The following TMEM26 variants were observed in gnomAD, a reference collection of about 807,000 sequenced individuals.
The protein encoded by TMEM26 is transmembrane protein 26.
A neutral mutation model predicts 28.8 loss-of-function variants in TMEM26; 38 were observed. That is an observed-to-expected ratio of 1.32 (90% confidence interval 1.02 to 1.73). The LOEUF (loss-of-function observed/expected upper bound fraction) is 1.73. Ranked by LOEUF, TMEM26 falls within the 40% of genes most tolerant of loss-of-function variation. The pLI is 0.00. For missense variants in TMEM26, 518 were observed against 447.1 expected (o/e 1.16, Z -1.43); for synonymous variants, 227 against 182.9 (o/e 1.24, Z -1.95).
At chr10:61,431,114 T>C (rs1453743698) in intron 3 of TMEM26, 105 bp downstream of exon 3, 3 of 875,312 alleles carry the variant, frequency 3.4e-6, no homozygotes, top group East Asian at 2.6e-5. Context: ...TGGATAACTT[T>C]CTTCAGGAAA....
intron 1 of TMEM26, among the ~76,000 whole-genome samples, chr10:61,444,350 A>T (rs1273655411): frequency 6.6e-6 from 1 of 152,208 alleles, no homozygotes; most frequent in Non-Finnish European, 1.5e-5. Flanking sequence ...TGAGAAAATA[A>T]AATGCATTAT....
At chr10:61,420,713 A>G in intron 4 of TMEM26, among the ~76,000 whole-genome samples, 1 of 147,066 alleles carries the variant, frequency 6.8e-6, no homozygotes, top group Admixed American at 6.8e-5. Flanking sequence ...AAATAAGAAC[A>G]TTTCCAGATT....
At chr10:61,440,211 A>G (rs765076291) in intron 1 of TMEM26, among the ~76,000 whole-genome samples, 8 of 152,082 alleles carry the variant, frequency 5.3e-5, no homozygotes, top group Non-Finnish European at 1.2e-4. Context: ...CCGCACTCCA[A>G]CCTGGGCAAT....
At chr10:61,442,417 T>C (rs1840109538) in intron 1 of TMEM26, among the ~76,000 whole-genome samples, 2 of 152,198 alleles carry the variant, frequency 1.3e-5, no homozygotes, top group South Asian at 4.1e-4. Context: ...AAATTAGCCA[T>C]ATCACTACCC....
chr10:61,452,055 G>C (rs1460136685), intron 1 of TMEM26, among the ~76,000 whole-genome samples: 1 of 151,956 alleles, frequency 6.6e-6, no homozygotes, highest in Non-Finnish European at 1.5e-5. Flanking sequence ...GCCTAACTTG[G>C]AGAAGTTCTG....
At chr10:61,431,445 C>T in intron 2 of TMEM26, 113 bp from the exon 3 acceptor site, 1 of 709,996 alleles carries the variant, frequency 1.4e-6, no homozygotes, top group East Asian at 2.6e-5. Context: ...AGAGTTTATA[C>T]AGCATATATA....
intron 1 of TMEM26, among the ~76,000 whole-genome samples, chr10:61,446,817 C>CAAAAAAAAAAAAAAAAAAA (rs34030340): frequency 5.9e-5 from 2 of 33,942 alleles, no homozygotes; most frequent in African/African-American, 2.3e-4. Flanking sequence ...GACTCCATCT[C>CAAAAAAAAAAAAAAAAAAA]AAAAAAAAAA....
intron 4 of TMEM26, among the ~76,000 whole-genome samples, chr10:61,427,061 T>C (rs1248605867): frequency 6.6e-6 from 1 of 151,886 alleles, no homozygotes; most frequent in Non-Finnish European, 1.5e-5. Flanking sequence ...TGTGGTAATA[T>C]TAAAAATGAA....
At position 61,413,485 on chromosome 10, in the gene TMEM26, A is replaced by T; in HGVS notation, c.656T>A (p.Met219Lys). The T allele has an allele frequency of 6.2e-7, 1 of 1,613,200 alleles. No homozygotes were observed. Among genetic ancestry groups the T allele is most frequent in the Non-Finnish European group, 8.5e-7 (1 of 1,179,386 alleles). ...YAILVIWTWSMLQFPLDLAVQ... is the reference protein window; with the variant it reads ...YAILVIWTWSKLQFPLDLAVQ... ...TGCCAGGTCAAGTGGAAACTGCAGC[A>T]TGCTCCAAGTCCATATAACAAGGAT... The change falls in exon 5 of 6, where the codon ATG becomes AAG. Residue 219 changes from methionine (M) to lysine (K), a missense_variant. Met to Lys is a moderately conservative substitution (Grantham distance 95, BLOSUM62 -1). Transcript: ENST00000399298.
In TMEM26 at chr10:61,407,744, C is replaced by G. The variant is rs1839513981; in HGVS notation, c.*2578G>C. 3.3e-5 allele frequency: 5 copies of G among 152,090 alleles called. No individual in the cohort carries two copies. The highest frequency in any genetic ancestry group is 2.6e-4 in the Admixed American group (4 of 15,266). The allele number at this position is 152,090 out of a possible 1,614,324, so 9.4% of individuals were successfully genotyped here. A position where few individuals can be genotyped will look rare whatever the true frequency, so the allele number is the denominator to read the frequency against. ...AGCACCAACAACCTCAAATAAGCCA[C>G]TTTCTTCAGGGGTTGGGGAGTGACC... On this transcript the variant is annotated 3_prime_UTR_variant, in exon 6 of 6. Transcript: ENST00000399298.
Position 61,407,781 on chromosome 10 carries a change from G to C in TMEM26, c.*2541C>G, listed in dbSNP as rs957493210. The C allele has an allele frequency of 6.6e-6, 1 of 152,090 alleles. No individual in the cohort carries two copies. Among genetic ancestry groups the C allele is most frequent in the Non-Finnish European group, 1.5e-5 (1 of 68,024 alleles). 9.4% of individuals were successfully genotyped at this position (152,090 alleles called of 1,614,324 possible). On this transcript the variant is annotated 3_prime_UTR_variant, in exon 6 of 6. Coordinates refer to ENST00000399298, the MANE Select transcript of TMEM26 (RefSeq NM_178505.8). Reference sequence around the variant, plus strand: ...GTTGGGGAGTGACCTACTGTGTGTTGGGGGGAGGGGTTATGATAGAGAGGA... The same window carrying C: ...GTTGGGGAGTGACCTACTGTGTGTTCGGGGGAGGGGTTATGATAGAGAGGA...
intron 1 of TMEM26, among the ~76,000 whole-genome samples, chr10:61,437,953 A>G (rs1840035290): frequency 6.6e-6 from 1 of 152,164 alleles, no homozygotes; most frequent in Non-Finnish European, 1.5e-5. Flanking sequence ...TTGCTCAACA[A>G]ATAGAATTGT....
chr10:61,447,754 C>A (rs772088796), intron 1 of TMEM26, among the ~76,000 whole-genome samples: 8 of 152,120 alleles, frequency 5.3e-5, no homozygotes, highest in Admixed American at 3.3e-4. Context: ...CCTCCCCATG[C>A]CTGGCTGGCT....
At chr10:61,432,430 G>A (rs1243601762) in intron 2 of TMEM26, among the ~76,000 whole-genome samples, 1 of 152,004 alleles carries the variant, frequency 6.6e-6, no homozygotes, top group Non-Finnish European at 1.5e-5. Context: ...GGAATCCGAG[G>A]TAAAGTAAGA....
At chr10:61,428,774 T>C (rs373318727) in intron 4 of TMEM26, 152 bp downstream of exon 4, 51 of 659,740 alleles carry the variant, frequency 7.7e-5, no homozygotes, top group African/African-American at 5.1e-4. Flanking sequence ...TCGTTTCTAA[T>C]ACGTAAACAG....
rs189603871 is a variant in TMEM26 at position 61,417,102 on chromosome 10, T to A, written c.606-3567A>T. 3.0e-4 allele frequency among the ~76,000 whole-genome samples: 46 copies of A among 152,090 alleles called. No homozygotes were observed. The East Asian group carries it at 8.1e-3, about 27-fold the overall frequency. On this transcript the variant is annotated intron_variant, in intron 4 of 5. Coordinates refer to ENST00000399298, the MANE Select transcript of TMEM26 (RefSeq NM_178505.8). ...GGTTAAATGTTAGAATGTAAATAAA[T>A]CATGGAGATTAATGGCAAACACTCA...
chr10:61,432,619 C>T (rs1356217140), intron 2 of TMEM26, among the ~76,000 whole-genome samples: 2 of 151,826 alleles, frequency 1.3e-5, no homozygotes, highest in African/African-American at 4.8e-5. Context: ...CACACATCCA[C>T]GATCACACAT....
At chr10:61,443,422 G>A (rs1264442119) in intron 1 of TMEM26, among the ~76,000 whole-genome samples, 2 of 151,594 alleles carry the variant, frequency 1.3e-5, no homozygotes, top group African/African-American at 2.4e-5. Context: ...CGGAGATTGG[G>A]TCACTGCACT....
At chr10:61,435,203 G>A (rs1247298446) in intron 2 of TMEM26, among the ~76,000 whole-genome samples, 2 of 152,084 alleles carry the variant, frequency 1.3e-5, no homozygotes, top group Non-Finnish European at 2.9e-5. Flanking sequence ...TTTTCTTTGG[G>A]AGGGAGTTTC....
Sources: allele counts gnomAD v4.1 joint callset (sites outside exome capture counted in the v4.1 genomes callset), GRCh38; gene constraint gnomAD v4.1.1; transcripts MANE v1.5; gene names NCBI Gene and HGNC (gene_info 2026-07-23, HGNC 2026-07-21).